Variants in LINGO1 observed in about 807,000 individuals in gnomAD.
LINGO1 encodes the protein leucine-rich repeat and immunoglobulin-like domain-containing nogo receptor-interacting protein 1.
LINGO1 carries 11 observed loss-of-function variants against 37.3 expected under a neutral mutation model. The ratio of observed to expected loss-of-function variants is 0.29; its 90% CI spans 0.19 to 0.49. The LOEUF is 0.49. Among genes scored for constraint, LINGO1 ranks in the 20% least tolerant of loss-of-function variants. LINGO1 has a pLI of 0.99. For synonymous variants in LINGO1, 387 were observed against 403.0 expected (o/e 0.96, Z 0.48); for missense variants, 585 against 878.2 (o/e 0.67, Z 4.22).
At chr15:77,691,016 C>A (rs888686107) in intron 1 of LINGO1, 3 of 152,256 alleles carry the variant, frequency 2.0e-5, no homozygotes, top group Non-Finnish European at 2.9e-5. Context: ...AAGGAAGATC[C>A]CTGGAAGCAC....
At chr15:77,758,568 G>C (rs2076443374) in intron 1 of LINGO1, among the ~76,000 whole-genome samples, 1 of 152,282 alleles carries the variant, frequency 6.6e-6, no homozygotes, top group African/African-American at 2.4e-5. Flanking sequence ...GGCCAGGCTT[G>C]AGTTTGGGCC....
In LINGO1 at chr15:77,659,799, T is replaced by G. The variant is rs538698071; in HGVS notation, c.-13+17290A>C. ...AATGGAAGTCTCCCAGATCAATTAC[T>G]GTATTACCAGGCAGCCTGACCTTGA... On this transcript the variant is annotated intron_variant, in intron 3 of 3. Transcript: ENST00000559893. 3.6e-4 allele frequency among the ~76,000 whole-genome samples: 54 copies of G among 148,508 alleles called. No homozygotes were observed. The East Asian group carries it at 0.01, about 28-fold the overall frequency.
chr15:77,643,731 C>T (rs2074560593), intron 3 of LINGO1, among the ~76,000 whole-genome samples: 1 of 152,210 alleles, frequency 6.6e-6, no homozygotes, highest in Non-Finnish European at 1.5e-5. Flanking sequence ...ACCCACAGCC[C>T]TGGCCCAGGG....
Position 77,694,331 on chromosome 15 carries a change from T to TAACA in LINGO1, c.-281+2056_-281+2059dup, listed in dbSNP as rs569451460. Among the ~76,000 whole-genome samples the TAACA allele has an allele frequency of 2.5e-3, 375 of 152,200 alleles. 3 individuals carry two copies. Among genetic ancestry groups the TAACA allele is most frequent in the African/African-American group, 8.5e-3 (353 of 41,510 alleles). On this transcript the variant is annotated intron_variant, in intron 1 of 3. Transcript: ENST00000559893. ...ATAGGGCAGCATGATCAGCCCAGTC[T>TAACA]AACAGATGAGGAAACAGGCCCAGAG...
intron 1 of LINGO1, among the ~76,000 whole-genome samples, chr15:77,620,125 A>G (rs2073872787): frequency 6.6e-6 from 1 of 152,256 alleles, no homozygotes; most frequent in South Asian, 2.1e-4. Flanking sequence ...GGCACTGTTC[A>G]TTCTGCTGGC....
chr15:77,811,578 C>A (rs1442720344), intron 1 of LINGO1, among the ~76,000 whole-genome samples: 1 of 152,078 alleles, frequency 6.6e-6, no homozygotes, highest in African/African-American at 2.4e-5. Context: ...GTGGGGTGGC[C>A]GGGGCCTCAG....
intron 1 of LINGO1, among the ~76,000 whole-genome samples, chr15:77,796,845 G>A (rs1251707043): frequency 6.6e-6 from 1 of 152,050 alleles, no homozygotes; most frequent in East Asian, 1.9e-4. Context: ...CAAGGAGCTG[G>A]GACTACAGTT....
At chr15:77,686,378 G>A (rs180821026) in intron 2 of LINGO1, among the ~76,000 whole-genome samples, 75 of 152,306 alleles carry the variant, frequency 4.9e-4, no homozygotes, top group Middle Eastern at 3.4e-3. Flanking sequence ...TCATAAAGAA[G>A]CCCCCAGCTC....
chr15:77,763,896 TC>T (rs914922952), intron 1 of LINGO1, among the ~76,000 whole-genome samples: 1 of 151,686 alleles, frequency 6.6e-6, no homozygotes, highest in Non-Finnish European at 1.5e-5. Flanking sequence ...TGGCCGCTCA[TC>T]CCCCCTTCCC....
At chr15:77,681,098 T>C (rs753426790) in intron 2 of LINGO1, among the ~76,000 whole-genome samples, 2 of 152,054 alleles carry the variant, frequency 1.3e-5, no homozygotes, top group Admixed American at 6.6e-5. Flanking sequence ...ACTGATCCAG[T>C]GCAACCAAAA....
At chr15:77,693,651 C>T (rs2075642795) in intron 1 of LINGO1, among the ~76,000 whole-genome samples, 1 of 152,186 alleles carries the variant, frequency 6.6e-6, no homozygotes, top group Non-Finnish European at 1.5e-5. Context: ...TCAAGGGGAT[C>T]AGGCCTGGGG....
chr15:77,689,763 G>A (rs990330198), intron 2 of LINGO1, among the ~76,000 whole-genome samples: 27 of 151,944 alleles, frequency 1.8e-4, no homozygotes, highest in South Asian at 8.3e-4. Context: ...ACAAATCTTC[G>A]TCTCAGGCTC....
At chr15:77,777,459 ACACAC>A (rs1280306919) in intron 1 of LINGO1, among the ~76,000 whole-genome samples, 36 of 32,744 alleles carry the variant, frequency 1.1e-3, no homozygotes, top group African/African-American at 1.4e-3. Context: ...GGACATATAC[ACACAC>A]GCACACACAC....
rs79748953 is a variant in LINGO1, at chr15:77,735,661, G to A, written c.-256-608C>T. On this transcript the variant is annotated intron_variant, in intron 1 of 3. Coordinates refer to the LINGO1 transcript ENST00000561686. ...AACACAGCTTGCTGGGCTCCACCCC[G>A]AGAGTTTCTGACCAGTAGGTCCTGG... is the stretch of plus-strand genomic sequence containing the variant. Among the ~76,000 whole-genome samples the A allele has an allele frequency of 3.3e-3, 504 of 152,336 alleles. 1 individual carries two copies. Among genetic ancestry groups the A allele is most frequent in the African/African-American group, 0.012 (482 of 41,574 alleles).
Position 77,632,270 on chromosome 15 carries a change from G to A in LINGO1, c.6+40C>T. The A allele has an allele frequency of 1.4e-6, 2 of 1,392,586 alleles. No individual in the cohort carries two copies. Among genetic ancestry groups the A allele is most frequent in the Non-Finnish European group, 1.9e-6 (2 of 1,075,562 alleles). 86.3% of individuals were successfully genotyped at this position (1,392,586 alleles called of 1,614,324 possible). On this transcript the variant is annotated intron_variant, in intron 1 of 1. Coordinates refer to ENST00000355300, the MANE Select transcript of LINGO1 (RefSeq NM_032808.7). The surrounding 1 kb of genome is among the most constrained non-coding windows in gnomAD (Gnocchi z 6.0). ...CGGCCCCCAGGGGCACTCGCCGCGG[G>A]GCTGCCCGCTCGGGGCTCGGCCGCG...
intron 1 of LINGO1, among the ~76,000 whole-genome samples, chr15:77,759,143 C>A (rs745754703): frequency 2.6e-5 from 4 of 152,206 alleles, no homozygotes; most frequent in Non-Finnish European, 4.4e-5. Context: ...GTGACCTACG[C>A]AGATTAAATG....
At chr15:77,818,164 C>T (rs529406613) in intron 1 of LINGO1, among the ~76,000 whole-genome samples, 1 of 152,294 alleles carries the variant, frequency 6.6e-6, no homozygotes, top group Admixed American at 6.5e-5. Flanking sequence ...CCAGAGAAGG[C>T]TTCCTAGAGG....
chr15:77,634,415 C>CTAGGAG, upstream of LINGO1: 1 of 447,814 alleles, frequency 2.2e-6, no homozygotes, highest in Non-Finnish European at 4.5e-6. Flanking sequence ...TAGAGTCCCT[C>CTAGGAG]CTAGCAGGCG....
At chr15:77,674,131 T>C (rs977121626) in intron 3 of LINGO1, among the ~76,000 whole-genome samples, 2 of 152,116 alleles carry the variant, frequency 1.3e-5, no homozygotes, top group Admixed American at 6.5e-5. Context: ...CCCTCCTAGA[T>C]GCTTGGGCCA....
Sources: allele counts gnomAD v4.1 joint callset (sites outside exome capture counted in the v4.1 genomes callset), GRCh38; gene constraint gnomAD v4.1.1; non-coding constraint Gnocchi (gnomAD v3.1); transcripts MANE v1.5; gene names NCBI Gene and HGNC (gene_info 2026-07-23, HGNC 2026-07-21).